Variants in FBRSL1 observed in about 807,000 individuals in gnomAD.
The protein encoded by FBRSL1 is fibrosin like 1.
FBRSL1 carries 51 observed loss-of-function variants against 89.6 expected under a neutral mutation model. The observed-to-expected ratio is 0.57, with a 90% CI of 0.45 to 0.72. The LOEUF (loss-of-function observed/expected upper bound fraction) is 0.72. Ranked by LOEUF, FBRSL1 falls within the 30% of genes least tolerant of loss-of-function variation. FBRSL1 has a pLI of 0.00. For missense variants in FBRSL1, 1,618 were observed against 1,451.8 expected (o/e 1.11, Z -1.86); for synonymous variants, 779 against 681.1 (o/e 1.14, Z -2.24).
At chr12:132,555,756 T>C (rs1384838813) in intron 5 of FBRSL1, among the ~76,000 whole-genome samples, 6 of 152,220 alleles carry the variant, frequency 3.9e-5, no homozygotes, top group Non-Finnish European at 1.5e-5. Context: ...TGTGTGTCTT[T>C]GTGTCTCTTC....
intron 5 of FBRSL1, chr12:132,552,868 C>T (rs1447089143): frequency 6.1e-6 from 1 of 164,052 alleles, no homozygotes; most frequent in African/African-American, 2.4e-5. Flanking sequence ...CTGGAGGCCC[C>T]TGCCGTGGGC....
intron 6 of FBRSL1, among the ~76,000 whole-genome samples, chr12:132,569,667 G>A (rs754427077): frequency 6.6e-6 from 1 of 152,186 alleles, no homozygotes; most frequent in Non-Finnish European, 1.5e-5. Context: ...ATGCGTCTTC[G>A]GGCAGGTGGG....
intron 2 of FBRSL1, chr12:132,511,317 C>G: frequency 1.0e-6 from 1 of 985,774 alleles, no homozygotes; most frequent in East Asian, 1.1e-4. Context: ...CCACAGTCCC[C>G]TGCAGCGTCC....
At chr12:132,570,776 C>G (rs566452867) in intron 8 of FBRSL1, among the ~76,000 whole-genome samples, 2 of 152,214 alleles carry the variant, frequency 1.3e-5, no homozygotes, top group Non-Finnish European at 2.9e-5. Flanking sequence ...GACGCGTGTT[C>G]ACACTGAGAC....
intron 4 of FBRSL1, among the ~76,000 whole-genome samples, chr12:132,535,857 C>T (rs559303094): frequency 0.024 from 3,456 of 144,934 alleles, 147 homozygotes; most frequent in African/African-American, 0.085. Context: ...TGTGAGTGCA[C>T]GTGTGTCCAT....
intron 5 of FBRSL1, among the ~76,000 whole-genome samples, chr12:132,564,284 G>T (rs914340274): frequency 2.0e-5 from 3 of 152,172 alleles, no homozygotes; most frequent in Non-Finnish European, 2.9e-5. Context: ...CAGCTCCCTT[G>T]GCTGGGCCAC....
chr12:132,502,829 C>T (rs2033179127), intron 1 of FBRSL1, among the ~76,000 whole-genome samples: 1 of 114,676 alleles, frequency 8.7e-6, no homozygotes, highest in Admixed American at 8.7e-5. Flanking sequence ...CCCCTCCTGT[C>T]CTCACCCTCT....
In FBRSL1 at chr12:132,576,913, C is replaced by A; in HGVS notation, c.1816C>A (p.Pro606Thr). 1 of 1,549,904 alleles carries A rather than the reference C, an allele frequency of 6.5e-7. No homozygotes were observed. Among genetic ancestry groups the A allele is most frequent in the Non-Finnish European group, 8.7e-7 (1 of 1,146,518 alleles). The change falls in exon 15 of 19, where the codon CCC becomes ACC. Residue 606 changes from proline to threonine, a missense_variant. Transcript: ENST00000680143. The stretch of plus-strand genomic sequence containing the variant: ...CCACTACCCACAGGACCTGGCCCGG[C>A]CCCTCTTCCCCAGCACAGGTGAGAC... ...GFHYPQDLAR[P>T]LFPSTGAAHP...
At chr12:132,506,537 GT>G (rs1180106004) in intron 1 of FBRSL1, among the ~76,000 whole-genome samples, 1 of 152,246 alleles carries the variant, frequency 6.6e-6, no homozygotes, top group Non-Finnish European at 1.5e-5. Flanking sequence ...GCCCTTGCAG[GT>G]TTCCTAGTTA....
intron 1 of FBRSL1, among the ~76,000 whole-genome samples, chr12:132,491,218 G>C (rs75270622): frequency 0.011 from 1,723 of 152,344 alleles, 30 homozygotes; most frequent in African/African-American, 0.038. Context: ...CTAGGGAGCA[G>C]TGCTGGATCT....
In FBRSL1 at chr12:132,528,002, C is replaced by T. The variant is rs1593352826; in HGVS notation, c.615+14C>T. 3 of 1,550,926 alleles carry T rather than the reference C, an allele frequency of 1.9e-6. No individual in the cohort carries two copies. Among genetic ancestry groups the T allele is most frequent in the South Asian group, 2.4e-5 (2 of 84,048 alleles). ...AGAGGCTACTCTGTAAGTCTCCCAG[C>T]ACCCCTCCTCCATCTTTGTCCCCCT... On this transcript the variant is annotated intron_variant, in intron 4 of 18. Transcript: ENST00000680143.
At chr12:132,506,335 A>C (rs777182632) in intron 1 of FBRSL1, among the ~76,000 whole-genome samples, 2 of 152,210 alleles carry the variant, frequency 1.3e-5, no homozygotes, top group Admixed American at 6.5e-5. Context: ...TGCCCTTGAC[A>C]CATGCGTCCT....
rs1279884985 is a variant in FBRSL1 at position 132,490,309 on chromosome 12, C to A, written c.-262C>A. On this transcript the variant is annotated 5_prime_UTR_variant, in exon 1 of 19. Coordinates refer to ENST00000680143, the MANE Select transcript of FBRSL1 (RefSeq NM_001367871.1). Reference sequence around the variant, plus strand: ...TGGGGCGCGCCCCCGGGGGGGCGGCCGAGGGCCGCTGAGCGCCGGGCCCGC... The same window carrying A: ...TGGGGCGCGCCCCCGGGGGGGCGGCAGAGGGCCGCTGAGCGCCGGGCCCGC... 7.2e-6 allele frequency: 1 copy of A among 138,102 alleles called. No individual in the cohort carries two copies. The highest frequency in any genetic ancestry group is 2.7e-5 in the African/African-American group (1 of 37,652). The allele number at this position is 138,102 out of a possible 1,614,324, so 8.6% of individuals were successfully genotyped here.
chr12:132,560,184 C>G (rs1470750656), intron 5 of FBRSL1: 1 of 151,710 alleles, frequency 6.6e-6, no homozygotes, highest in Non-Finnish European at 1.5e-5. Flanking sequence ...CCATGCAGCC[C>G]GGCTCCGGCC....
intron 2 of FBRSL1, chr12:132,509,115 C>A: frequency 8.4e-7 from 1 of 1,187,024 alleles, no homozygotes. Flanking sequence ...ACGGGGGTTC[C>A]GCGGGCGGTG....
intron 5 of FBRSL1, among the ~76,000 whole-genome samples, chr12:132,563,994 C>T (rs2039380378): frequency 6.6e-6 from 1 of 152,084 alleles, no homozygotes; most frequent in Non-Finnish European, 1.5e-5. Flanking sequence ...CCTGTGCACC[C>T]CCTGCACCCC....
chr12:132,572,672 T>C, intron 11 of FBRSL1, 50 bp downstream of exon 11: 1 of 1,312,280 alleles, frequency 7.6e-7, no homozygotes, highest in Non-Finnish European at 1.1e-6. Context: ...GGGTGGATTT[T>C]GGGGGGAGTG....
chr12:132,509,488 G>A lies in FBRSL1; in HGVS notation c.489+1138G>A, dbSNP rs1263979049. The A allele has an allele frequency of 8.1e-6, 10 of 1,237,792 alleles. No homozygotes were observed. In the South Asian group the frequency reaches 1.6e-4, roughly 20 times the overall value. The allele number at this position is 1,237,792 out of a possible 1,614,324, so 76.7% of individuals were successfully genotyped here. On this transcript the variant is annotated intron_variant, in intron 2 of 18. Transcript: ENST00000680143. ...CAGCTCTGCCAGCCCCAGCGGTCACGCCCGGCCCAGCCCTGCCGGCCGCAT... is the reference window on the plus strand; with the variant it reads ...CAGCTCTGCCAGCCCCAGCGGTCACACCCGGCCCAGCCCTGCCGGCCGCAT...
intron 1 of FBRSL1, among the ~76,000 whole-genome samples, chr12:132,506,687 T>C (rs925054607): frequency 6.6e-6 from 1 of 152,262 alleles, no homozygotes; most frequent in Non-Finnish European, 1.5e-5. Context: ...TGTTAGCAGA[T>C]TGCGTCCACA....
Sources: allele counts gnomAD v4.1 joint callset (sites outside exome capture counted in the v4.1 genomes callset), GRCh38; gene constraint gnomAD v4.1.1; transcripts MANE v1.5; gene names NCBI Gene and HGNC (gene_info 2026-07-23, HGNC 2026-07-21).